HDAC5: variants seen among roughly 807,000 people sequenced by gnomAD.
The protein encoded by HDAC5 is antigen NY-CO-9.
HDAC5 carries 25 observed loss-of-function variants against 133.3 expected under a neutral mutation model. The observed-to-expected ratio is 0.19, with a 90% CI of 0.14 to 0.26. The LOEUF is 0.26. HDAC5 is among the 10% of genes least tolerant of loss of function. The pLI is 1.00. For synonymous variants in HDAC5, 589 were observed against 610.8 expected (o/e 0.96, Z 0.53); for missense variants, 1,041 against 1,460.5 (o/e 0.71, Z 4.68).
At chr17:44,080,523 C>G (rs2050340792) in intron 21 of HDAC5, 25 bp from the exon 22 acceptor site, 1 of 1,604,550 alleles carries the variant, frequency 6.2e-7, no homozygotes, top group Admixed American at 1.7e-5. Context: ...GGGGAGAGGG[C>G]TATTCTCACC....
chr17:44,077,148 G>GGAA lies in HDAC5; in HGVS notation c.*1225_*1227dup, dbSNP rs1445135883. 6.5e-6 allele frequency: 1 copy of GGAA among 152,760 alleles called. No homozygotes were observed. Among genetic ancestry groups the GGAA allele is most frequent in the East Asian group, 1.9e-4 (1 of 5,200 alleles). 9.5% of individuals were successfully genotyped at this position (152,760 alleles called of 1,614,324 possible). On this transcript the variant is annotated 3_prime_UTR_variant, in exon 27 of 27. Coordinates refer to ENST00000682912, the MANE Select transcript of HDAC5 (RefSeq NM_005474.5). ...ATGTGGTACTGGGGAGGAGGAGGAA[G>GGAA]GAAGAGTCAGCCCCCTAGGAGCCAC... is the stretch of plus-strand genomic sequence containing the variant.
chr17:44,101,573 C>T (rs1035083758), intron 3 of HDAC5, among the ~76,000 whole-genome samples: 1 of 152,018 alleles, frequency 6.6e-6, no homozygotes, highest in African/African-American at 2.4e-5. Context: ...GCAGATACTC[C>T]CTGGATCTGA....
At chr17:44,097,756 C>T (rs1215065778) in intron 3 of HDAC5, among the ~76,000 whole-genome samples, 1 of 152,248 alleles carries the variant, frequency 6.6e-6, no homozygotes, top group African/African-American at 2.4e-5. Context: ...GGGCAGAGGT[C>T]CAAGCACTCC....
At chr17:44,091,902 G>T in intron 9 of HDAC5, 71 bp from the exon 10 acceptor site, 5 of 1,474,822 alleles carry the variant, frequency 3.4e-6, no homozygotes, top group Middle Eastern at 2.0e-4. Context: ...GCAACCTGGG[G>T]CCAAGGCCAA....
At chr17:44,081,283 CTT>C (rs1204087866) in intron 20 of HDAC5, among the ~76,000 whole-genome samples, 2 of 151,682 alleles carry the variant, frequency 1.3e-5, no homozygotes, top group African/African-American at 4.8e-5. Flanking sequence ...AAGTTTCACT[CTT>C]GTTGCCCAGG....
In HDAC5 at chr17:44,087,587, G is replaced by T. The variant is rs760775798; in HGVS notation, c.1709C>A (p.Thr570Asn). 6.2e-7 allele frequency: 1 copy of T among 1,614,102 alleles called. No individual in the cohort carries two copies. Among genetic ancestry groups the T allele is most frequent in the Non-Finnish European group, 8.5e-7 (1 of 1,179,990 alleles). ...CTCTGTGGAGCCCTCCCGGGGCATG[G>T]TCAGGGCTCCCTCCCCCAGCAAGAC... Reference protein sequence around the residue: ...QEVLLGEGALTMPREGSTESE... With the variant: ...QEVLLGEGALNMPREGSTESE... The change falls in exon 13 of 27, where the codon ACC (threonine) becomes AAC (asparagine). Residue 570 changes from threonine (T) to asparagine (N), a missense_variant. This residue lies in a region of HDAC5 where 433 missense variants were observed against 531.6 expected (regional missense o/e 0.81). Coordinates refer to ENST00000682912, the MANE Select transcript of HDAC5 (RefSeq NM_005474.5).
intron 1 of HDAC5, chr17:44,120,558 T>C (rs2052922685): frequency 6.6e-6 from 1 of 152,102 alleles, no homozygotes; most frequent in Admixed American, 6.6e-5. Context: ...CTGATCAACA[T>C]GGAGAAACCC....
chr17:44,102,868 G>A (rs546725153), intron 3 of HDAC5, among the ~76,000 whole-genome samples: 11 of 151,392 alleles, frequency 7.3e-5, no homozygotes, highest in African/African-American at 1.7e-4. Flanking sequence ...GGGTTTCACC[G>A]TGTTAGCCAG....
At chr17:44,102,430 G>A (rs1331669240) in intron 3 of HDAC5, among the ~76,000 whole-genome samples, 2 of 152,054 alleles carry the variant, frequency 1.3e-5, no homozygotes, top group Non-Finnish European at 2.9e-5. Context: ...GTGCAATCTT[G>A]GCTCACTGCA....
At chr17:44,082,920 A>G in intron 18 of HDAC5, 100 bp from the exon 19 acceptor site, 1 of 1,014,802 alleles carries the variant, frequency 9.9e-7, no homozygotes. Flanking sequence ...GGAAGTGAAC[A>G]CAAACCAGAA....
rs770837584 is a variant in HDAC5 at position 44,085,140 on chromosome 17, G to A, written c.2066C>T (p.Thr689Met). The A allele has an allele frequency of 7.5e-6, 12 of 1,598,636 alleles. No homozygotes were observed. Among genetic ancestry groups the A allele is most frequent in the African/African-American group, 4.0e-5 (3 of 74,672 alleles). Reference sequence around the variant, plus strand: ...CATGCACTGGTGCTTTAGCATGAACGTGTCGTAGACCACACCTGGGCCACA... The same window carrying A: ...CATGCACTGGTGCTTTAGCATGAACATGTCGTAGACCACACCTGGGCCACA... Reference protein sequence around the residue: ...HLFTTGVVYDTFMLKHQCMCG... With the variant: ...HLFTTGVVYDMFMLKHQCMCG... Residue 689 changes from threonine to methionine, a missense_variant, in exon 15 of 27, where the codon ACG (threonine) becomes ATG (methionine). Around this residue, in one of 9 missense-constraint regions of HDAC5, gnomAD observed 42 missense variants for 101.7 expected, o/e 0.41. Transcript: ENST00000682912.
chr17:44,078,614 A>G lies in HDAC5; in HGVS notation c.3215T>C (p.Leu1072Pro). 1 of 1,607,962 alleles carries G rather than the reference A, an allele frequency of 6.2e-7. No homozygotes were observed. Among genetic ancestry groups the G allele is most frequent in the Non-Finnish European group, 8.5e-7 (1 of 1,179,934 alleles). The change falls in exon 26 of 27, where the codon CTG becomes CCG. Residue 1072 changes from leucine (L) to proline (P), a missense_variant. Coordinates refer to ENST00000682912, the MANE Select transcript of HDAC5 (RefSeq NM_005474.5). Reference protein sequence around the residue: ...QKFAAGLGRSLREAQAGETEE... With the variant: ...QKFAAGLGRSPREAQAGETEE... ...GGTCTCACCTGCTTGGGCCTCTCGC[A>G]GGGACCGGCCCAGACCAGCGGCGAA... is the stretch of plus-strand genomic sequence containing the variant.
At chr17:44,084,926 G>C (rs1313567713) in intron 15 of HDAC5, 96 bp downstream of exon 15, 1 of 1,471,552 alleles carries the variant, frequency 6.8e-7, no homozygotes, top group African/African-American at 1.4e-5. Context: ...TGGGGCTGAA[G>C]AGAGGATGAG....
chr17:44,103,238 C>T (rs920601110), intron 3 of HDAC5, among the ~76,000 whole-genome samples: 2 of 152,164 alleles, frequency 1.3e-5, no homozygotes, highest in African/African-American at 4.8e-5. Context: ...GGACAGTTTC[C>T]CATGATCTAT....
intron 2 of HDAC5, among the ~76,000 whole-genome samples, chr17:44,116,170 G>A (rs1407396301): frequency 6.6e-6 from 1 of 152,238 alleles, no homozygotes; most frequent in Non-Finnish European, 1.5e-5. Context: ...ACTGCAGATG[G>A]CTCCTGGACA....
intron 3 of HDAC5, among the ~76,000 whole-genome samples, chr17:44,099,948 T>C (rs1426037466): frequency 6.6e-6 from 1 of 152,062 alleles, no homozygotes; most frequent in African/African-American, 2.4e-5. Context: ...ATCAGCCCAG[T>C]GGGGACTTCT....
intron 3 of HDAC5, among the ~76,000 whole-genome samples, chr17:44,097,404 G>A (rs906382850): frequency 3.3e-5 from 5 of 152,270 alleles, no homozygotes; most frequent in African/African-American, 1.2e-4. Flanking sequence ...GTGGCCAGAT[G>A]TGGCCAGAGG....
At chr17:44,098,324 A>G (rs1050449356) in intron 3 of HDAC5, among the ~76,000 whole-genome samples, 1 of 152,180 alleles carries the variant, frequency 6.6e-6, no homozygotes, top group Non-Finnish European at 1.5e-5. Flanking sequence ...TTGTGTCATG[A>G]TAGGAAGAGG....
chr17:44,082,936 G>A, intron 18 of HDAC5, 116 bp from the exon 19 acceptor site: 2 of 861,660 alleles, frequency 2.3e-6, no homozygotes, highest in Non-Finnish European at 3.8e-6. Flanking sequence ...CAGAAAAGCA[G>A]ATCCATATGT....
Sources: allele counts gnomAD v4.1 joint callset (sites outside exome capture counted in the v4.1 genomes callset), GRCh38; gene constraint gnomAD v4.1.1; regional missense constraint gnomAD v4.1.1; transcripts MANE v1.5; gene names NCBI Gene and HGNC (gene_info 2026-07-23, HGNC 2026-07-21).